Variants in GPR176 observed in about 807,000 individuals in gnomAD.
GPR176 encodes G-protein coupled receptor 176.
Under a neutral mutation model 35.4 loss-of-function variants are expected in GPR176, and 26 were observed. That is an observed-to-expected ratio of 0.74 (90% CI 0.54 to 1.02). The LOEUF is 1.02. Among genes scored for constraint, GPR176 ranks in the 50% least tolerant of loss-of-function variants. The pLI, the probability that GPR176 is intolerant of heterozygous loss-of-function variation, is 0.00. For missense variants in GPR176, 597 were observed against 665.3 expected, an observed-to-expected ratio of 0.90 and a Z score of 1.13; for synonymous variants, 278 against 271.3, an observed-to-expected ratio of 1.02 and a Z score of -0.24.
intron 1 of GPR176, among the ~76,000 whole-genome samples, chr15:39,841,060 T>C (rs1053384287): frequency 6.6e-6 from 1 of 152,140 alleles, no homozygotes; most frequent in Non-Finnish European, 1.5e-5. Flanking sequence ...CCCTGGGTCC[T>C]CATGCAGCTG....
Position 39,920,156 on chromosome 15 carries a change from T to A in GPR176, c.-130A>T, listed in dbSNP as rs1193169346. ...TGGAGAAGCCGGAGCAGCCGACGGGTCCCCTCACGTCTCCACATCGCCAAC... is the reference window on the plus strand; with the variant it reads ...TGGAGAAGCCGGAGCAGCCGACGGGACCCCTCACGTCTCCACATCGCCAAC... On this transcript the variant is annotated 5_prime_UTR_variant, in exon 1 of 3. Coordinates refer to ENST00000561100, the MANE Select transcript of GPR176 (RefSeq NM_007223.3). 10 of 550,048 alleles carry A rather than the reference T, an allele frequency of 1.8e-5. No individual in the cohort carries two copies. The highest frequency in any genetic ancestry group is 2.8e-5 in the Non-Finnish European group (10 of 361,372). The allele number at this position is 550,048 out of a possible 1,614,324, so 34.1% of individuals were successfully genotyped here.
At chr15:39,905,738 A>G (rs1176951850) in intron 1 of GPR176, among the ~76,000 whole-genome samples, 2 of 152,228 alleles carry the variant, frequency 1.3e-5, no homozygotes, top group African/African-American at 4.8e-5. Context: ...TTCCATTTCT[A>G]TAACGATCTT....
At chr15:39,850,937 T>C (rs190146621) in intron 1 of GPR176, among the ~76,000 whole-genome samples, 1 of 152,156 alleles carries the variant, frequency 6.6e-6, no homozygotes, top group Non-Finnish European at 1.5e-5. Context: ...GAGATGACCA[T>C]GCTAGAACTA....
chr15:39,874,869 C>A (rs1158490865), intron 1 of GPR176, among the ~76,000 whole-genome samples: 1 of 152,080 alleles, frequency 6.6e-6, no homozygotes, highest in Non-Finnish European at 1.5e-5. Flanking sequence ...CATGAAGAAA[C>A]CCTGTCTCTA....
intron 1 of GPR176, among the ~76,000 whole-genome samples, chr15:39,843,272 G>A (rs1165081628): frequency 6.6e-6 from 1 of 152,092 alleles, no homozygotes; most frequent in African/African-American, 2.4e-5. Context: ...AATGTGAAGA[G>A]GCTGATGTCC....
At chr15:39,809,417 T>C (rs4923841) in intron 1 of GPR176, among the ~76,000 whole-genome samples, 3,781 of 152,296 alleles carry the variant, frequency 0.025, 65 homozygotes, top group Non-Finnish European at 0.035. Context: ...TACATGTGCA[T>C]GCCCACACAG....
intron 1 of GPR176, among the ~76,000 whole-genome samples, chr15:39,919,213 T>TGC (rs1451345784): frequency 6.6e-6 from 1 of 152,198 alleles, no homozygotes; most frequent in Admixed American, 6.5e-5. Context: ...GATGTGTGTG[T>TGC]GTGTGTTTTA....
chr15:39,914,024 C>A (rs527657843), intron 1 of GPR176, among the ~76,000 whole-genome samples: 213 of 152,212 alleles, frequency 1.4e-3, no homozygotes, highest in Non-Finnish European at 2.0e-3. Context: ...CCAGCCTGGA[C>A]AACAGAGTGA....
At chr15:39,892,630 C>A (rs2032918797) in intron 1 of GPR176, among the ~76,000 whole-genome samples, 1 of 152,170 alleles carries the variant, frequency 6.6e-6, no homozygotes, top group South Asian at 2.1e-4. Flanking sequence ...AGAGAACACA[C>A]AGAGACAGAT....
intron 1 of GPR176, among the ~76,000 whole-genome samples, chr15:39,855,513 T>C (rs2031156828): frequency 1.3e-5 from 2 of 152,208 alleles, no homozygotes; most frequent in Admixed American, 1.3e-4. Context: ...TTCCTCTTCC[T>C]GTGGGAAGAG....
At position 39,874,643 on chromosome 15, in the gene GPR176, C is replaced by T. The variant is rs180775911; in HGVS notation, c.172+45212G>A. ...GTTGCTTCACCTTTTATCATCTTTA[C>T]TTTCTTAAAAGTCAATAAGACTTGG... is the stretch of plus-strand genomic sequence containing the variant. On this transcript the variant is annotated intron_variant, in intron 1 of 2. Transcript: ENST00000561100. 2.4e-3 allele frequency among the ~76,000 whole-genome samples: 360 copies of T among 152,302 alleles called. 9 individuals are homozygous for T. Among genetic ancestry groups the T allele is most frequent in the Non-Finnish European group, 7.8e-4 (53 of 68,024 alleles).
intron 1 of GPR176, among the ~76,000 whole-genome samples, chr15:39,838,309 A>T (rs1901534307): frequency 6.6e-6 from 1 of 152,162 alleles, no homozygotes; most frequent in Non-Finnish European, 1.5e-5. Flanking sequence ...TCAAATGTAG[A>T]TAAAACTTAA....
intron 1 of GPR176, among the ~76,000 whole-genome samples, chr15:39,887,441 G>A (rs530722893): frequency 7.2e-5 from 11 of 152,230 alleles, no homozygotes; most frequent in Admixed American, 3.9e-4. Flanking sequence ...CTGGAATGCC[G>A]CTGTGTAAAA....
At chr15:39,897,908 G>T (rs1443487739) in intron 1 of GPR176, among the ~76,000 whole-genome samples, 3 of 151,938 alleles carry the variant, frequency 2.0e-5, no homozygotes, top group Non-Finnish European at 2.9e-5. Context: ...CCCTATTATT[G>T]TTGAGAAAAC....
At chr15:39,908,888 C>G (rs2033498498) in intron 1 of GPR176, among the ~76,000 whole-genome samples, 1 of 152,182 alleles carries the variant, frequency 6.6e-6, no homozygotes, top group African/African-American at 2.4e-5. Context: ...AAATAGGATA[C>G]TGGGATCAGT....
In GPR176 at chr15:39,801,410, G is replaced by A. The variant is rs1898846781; in HGVS notation, c.1270C>T (p.Pro424Ser). ...QGPQFAPSAP[P>S]LSTVDSVSQV... ...GATACAGAGTCCACTGTGCTCAGGG[G>A]TGGGGCAGAGGGCGCAAACTGTGGC... Residue 424 changes from proline to serine, a missense_variant, in exon 3 of 3, where the codon CCC becomes TCC. Physicochemically the swap from Pro to Ser is moderately conservative, Grantham distance 74. Coordinates refer to ENST00000561100, the MANE Select transcript of GPR176 (RefSeq NM_007223.3). The A allele has an allele frequency of 5.6e-6, 9 of 1,614,232 alleles. No individual in the cohort carries two copies. Among genetic ancestry groups the A allele is most frequent in the Non-Finnish European group, 7.6e-6 (9 of 1,180,038 alleles).
At chr15:39,916,819 T>A (rs1054838436) in intron 1 of GPR176, among the ~76,000 whole-genome samples, 3 of 152,230 alleles carry the variant, frequency 2.0e-5, no homozygotes, top group African/African-American at 7.2e-5. Context: ...CTATGATTTT[T>A]CTCTATTTGG....
In GPR176 at chr15:39,838,676, C is replaced by G. The variant is rs374593342; in HGVS notation, c.173-31418G>C. Among the ~76,000 whole-genome samples, 23 of 152,188 alleles carry G rather than the reference C, an allele frequency of 1.5e-4. No homozygotes were observed. The East Asian group carries it at 1.5e-3, about 10-fold the overall frequency. Reference sequence around the variant, plus strand: ...CTGAATAAACTAGGTATTGATGGAACATATCTCAAAATAATAAGAGCTATT... The same window carrying G: ...CTGAATAAACTAGGTATTGATGGAAGATATCTCAAAATAATAAGAGCTATT... On this transcript the variant is annotated intron_variant, in intron 1 of 2. Transcript: ENST00000561100.
chr15:39,844,839 C>T (rs2030305628), intron 1 of GPR176, among the ~76,000 whole-genome samples: 1 of 152,046 alleles, frequency 6.6e-6, no homozygotes, highest in Non-Finnish European at 1.5e-5. Flanking sequence ...TGAGGTGACT[C>T]TCAGACTCTC....
Sources: gnomAD v4.1 joint callset for allele counts (sites outside exome capture counted in the v4.1 genomes callset) on GRCh38, gnomAD v4.1.1 for gene constraint, MANE v1.5 for transcripts, NCBI Gene and HGNC (gene_info 2026-07-23, HGNC 2026-07-21) for gene names.